Variants in KHDRBS3 observed in about 807,000 individuals in gnomAD.
KHDRBS3 encodes the protein KH domain-containing, RNA-binding, signal transduction-associated protein 3.
A neutral mutation model predicts 45.6 loss-of-function variants in KHDRBS3; 23 were observed. The ratio of observed to expected loss-of-function variants is 0.50; its 90% CI spans 0.36 to 0.72. The LOEUF is 0.72. KHDRBS3 is among the 30% of genes least tolerant of loss of function. The pLI, the probability that KHDRBS3 is intolerant of heterozygous loss-of-function variation, is 0.00. For synonymous variants in KHDRBS3, 162 were observed against 156.5 expected, an observed-to-expected ratio of 1.04 and a Z score of -0.26; for missense variants, 352 against 424.8, an observed-to-expected ratio of 0.83 and a Z score of 1.51.
intron 3 of KHDRBS3, among the ~76,000 whole-genome samples, chr8:135,548,049 C>T (rs1586701322): frequency 6.6e-6 from 1 of 152,092 alleles, no homozygotes; most frequent in East Asian, 1.9e-4. Context: ...GTTTTATTCA[C>T]TGTTTTATTC....
chr8:135,493,301 C>G (rs939480051), intron 1 of KHDRBS3, among the ~76,000 whole-genome samples: 8 of 151,864 alleles, frequency 5.3e-5, no homozygotes, highest in Admixed American at 5.2e-4. Flanking sequence ...TCTCTTTCTT[C>G]TCTTATCATA....
intron 2 of KHDRBS3, among the ~76,000 whole-genome samples, chr8:135,534,706 G>T (rs1825646043): frequency 6.6e-6 from 1 of 152,142 alleles, no homozygotes; most frequent in Non-Finnish European, 1.5e-5. Flanking sequence ...ATACATGCAA[G>T]CCTTCAGGCC....
At chr8:135,652,633 T>C (rs1443320894) in intron 4 of KHDRBS3, among the ~76,000 whole-genome samples, 1 of 152,202 alleles carries the variant, frequency 6.6e-6, no homozygotes, top group East Asian at 1.9e-4. Context: ...CTTACCCAGC[T>C]CTTGGTCTAG....
intron 1 of KHDRBS3, 57 bp downstream of exon 1, chr8:135,458,011 CGGGGGCCCA>C: frequency 6.6e-7 from 1 of 1,519,804 alleles, no homozygotes; most frequent in Non-Finnish European, 8.8e-7. Flanking sequence ...GGTGGAAACG[CGGGGGCCCA>C]GGGGGCCCCT....
At chr8:135,458,914 A>T (rs1218547865) in intron 1 of KHDRBS3, 2 of 456,062 alleles carry the variant, frequency 4.4e-6, no homozygotes. Context: ...ATGCACGGTA[A>T]ATTAAGCCTT....
rs1563751832 is a variant in KHDRBS3 at position 135,536,990 on chromosome 8, A to G, written c.208-5664A>G. On this transcript the variant is annotated intron_variant, in intron 2 of 8. Transcript: ENST00000355849. ...TCAAAAAAAAAAAAAAAAAAAAAAAAAAAAAAAGGAGATGTTTAGGAGGTA... is the reference window on the plus strand; with the variant it reads ...TCAAAAAAAAAAAAAAAAAAAAAAAGAAAAAAAGGAGATGTTTAGGAGGTA... Among the ~76,000 whole-genome samples, 31 of 43,002 alleles carry G rather than the reference A, an allele frequency of 7.2e-4. 2 individuals are homozygous for G. Among genetic ancestry groups the G allele is most frequent in the East Asian group, 6.6e-3 (2 of 302 alleles). 28.2% of individuals were successfully genotyped at this position (43,002 alleles called of 152,430 possible).
chr8:135,493,146 C>T (rs1040557723), intron 1 of KHDRBS3, among the ~76,000 whole-genome samples: 13 of 151,646 alleles, frequency 8.6e-5, no homozygotes, highest in Admixed American at 6.6e-4. Flanking sequence ...GGCACGATCT[C>T]GGCTCACTGC....
rs1827227741 is a variant in KHDRBS3 at position 135,562,738 on chromosome 8, T to G, written c.611+5151T>G. Among the ~76,000 whole-genome samples, 3 of 152,174 alleles carry G rather than the reference T, an allele frequency of 2.0e-5. No individual in the cohort carries two copies. In the South Asian group the frequency reaches 6.2e-4, roughly 32 times the overall value. On this transcript the variant is annotated intron_variant, in intron 5 of 8. Coordinates refer to ENST00000355849, the MANE Select transcript of KHDRBS3 (RefSeq NM_006558.3). ...AGTGTTGGCAGAATTGGTCTTGAAA[T>G]TATACTTTGAGTTGCCTTGTGGCTA...
At chr8:135,609,676 A>G (rs1044942305) in intron 7 of KHDRBS3, among the ~76,000 whole-genome samples, 1 of 151,842 alleles carries the variant, frequency 6.6e-6, no homozygotes, top group African/African-American at 2.4e-5. Flanking sequence ...TTGAGATGTC[A>G]TAGGTGACAG....
chr8:135,518,740 T>G (rs1824753979), intron 1 of KHDRBS3, among the ~76,000 whole-genome samples: 1 of 151,838 alleles, frequency 6.6e-6, no homozygotes. Flanking sequence ...ACAAAACCAG[T>G]GTAGCTCATT....
chr8:135,506,765 C>A (rs1824016910), intron 1 of KHDRBS3, among the ~76,000 whole-genome samples: 2 of 152,140 alleles, frequency 1.3e-5, no homozygotes, highest in African/African-American at 4.8e-5. Flanking sequence ...TTAGAATCTT[C>A]AACTCAGTAA....
At chr8:135,511,127 G>A (rs943813140) in intron 1 of KHDRBS3, among the ~76,000 whole-genome samples, 1 of 152,162 alleles carries the variant, frequency 6.6e-6, no homozygotes, top group African/African-American at 2.4e-5. Context: ...TACTAAGAAA[G>A]TAGAGGAAGC....
chr8:135,467,780 G>T (rs1459773773), intron 1 of KHDRBS3, among the ~76,000 whole-genome samples: 1 of 152,244 alleles, frequency 6.6e-6, no homozygotes, highest in Non-Finnish European at 1.5e-5. Flanking sequence ...TCTCCTCTGT[G>T]AAGTTACTAC....
At chr8:135,511,486 G>A (rs575525256) in intron 1 of KHDRBS3, among the ~76,000 whole-genome samples, 43 of 152,064 alleles carry the variant, frequency 2.8e-4, no homozygotes, top group Middle Eastern at 3.4e-3. Flanking sequence ...TTAATCTTAT[G>A]TGTTGTATGT....
intron 7 of KHDRBS3, among the ~76,000 whole-genome samples, chr8:135,621,677 A>G (rs542899977): frequency 2.7e-5 from 4 of 147,194 alleles, no homozygotes; most frequent in African/African-American, 1.0e-4. Flanking sequence ...CAGGCAAACC[A>G]GAAGGAAGTT....
chr8:135,516,890 G>T (rs1003539993), intron 1 of KHDRBS3, among the ~76,000 whole-genome samples: 4 of 152,060 alleles, frequency 2.6e-5, no homozygotes, highest in Admixed American at 1.3e-4. Flanking sequence ...TTATATGAGA[G>T]AAATGAAGCT....
chr8:135,488,783 G>T (rs1230697302), intron 1 of KHDRBS3, among the ~76,000 whole-genome samples: 1 of 152,162 alleles, frequency 6.6e-6, no homozygotes, highest in South Asian at 2.1e-4. Context: ...ATACAATATG[G>T]CATTGTAACT....
intron 1 of KHDRBS3, among the ~76,000 whole-genome samples, chr8:135,510,180 C>G (rs1292498591): frequency 6.6e-6 from 1 of 151,852 alleles, no homozygotes; most frequent in East Asian, 1.9e-4. Context: ...TTCAGGCTGT[C>G]TTGAACTCCT....
At chr8:135,466,072 CCTT>C (rs757479232) in intron 1 of KHDRBS3, among the ~76,000 whole-genome samples, 6 of 152,204 alleles carry the variant, frequency 3.9e-5, no homozygotes, top group South Asian at 4.1e-4. Flanking sequence ...AGCTAGGTTA[CCTT>C]CTTTCTTTCG....
Sources: gnomAD v4.1 joint callset for allele counts (sites outside exome capture counted in the v4.1 genomes callset) on GRCh38, gnomAD v4.1.1 for gene constraint, MANE v1.5 for transcripts, NCBI Gene and HGNC (gene_info 2026-07-23, HGNC 2026-07-21) for gene names.